SLCO1B1: variants seen among roughly 807,000 people sequenced by gnomAD.
SLCO1B1 encodes the protein OATP-2.
Under a neutral mutation model 70.1 loss-of-function variants are expected in SLCO1B1, and 81 were observed. That is an observed-to-expected ratio of 1.16 (90% CI 0.97 to 1.39). The LOEUF (loss-of-function observed/expected upper bound fraction) is 1.39. SLCO1B1 is among the 40% of genes most tolerant of loss of function. The pLI is 0.00. For missense variants in SLCO1B1, 895 were observed against 799.6 expected, an observed-to-expected ratio of 1.12 and a Z score of -1.44; for synonymous variants, 283 against 271.5, an observed-to-expected ratio of 1.04 and a Z score of -0.42.
intron 7 of SLCO1B1, among the ~76,000 whole-genome samples, chr12:21,194,337 C>G (rs965129349): frequency 2.6e-5 from 4 of 152,108 alleles, no homozygotes; most frequent in African/African-American, 9.7e-5. Flanking sequence ...TCTATAGCCT[C>G]ATAACAGAGG....
chr12:21,174,562 T>C lies in SLCO1B1; in HGVS notation c.227-15T>C. 1 of 1,612,520 alleles carries C rather than the reference T, an allele frequency of 6.2e-7. No individual in the cohort carries two copies. Among genetic ancestry groups the C allele is most frequent in the East Asian group, 2.2e-5 (1 of 44,716 alleles). ...TGAACTAAGCTGTATCAACATAATT[T>C]TGTTCCCTTTCTAGGAAATTTGCTT... On this transcript the variant is annotated splice_polypyrimidine_tract_variant and intron_variant, in intron 3 of 14. Transcript: ENST00000256958.
chr12:21,187,996 G>A (rs1322833175), intron 7 of SLCO1B1, among the ~76,000 whole-genome samples: 1 of 152,166 alleles, frequency 6.6e-6, no homozygotes, highest in Non-Finnish European at 1.5e-5. Flanking sequence ...AGGCAATCTA[G>A]CAGAAGGATT....
rs373762868 is a variant in SLCO1B1 at position 21,163,966 on chromosome 12, G to C, written c.85-8684G>C. ...TGAAAAAAAAAAAATGTAACAGCCA[G>C]AATAACATGATCTAAGGATACTTGG... On this transcript the variant is annotated intron_variant, in intron 2 of 14. Transcript: ENST00000256958. Among the ~76,000 whole-genome samples the C allele has an allele frequency of 2.6e-5, 4 of 151,846 alleles. No homozygotes were observed. The East Asian group carries it at 7.8e-4, about 29-fold the overall frequency.
At chr12:21,137,186 C>T (rs1159554753) in intron 1 of SLCO1B1, among the ~76,000 whole-genome samples, 1 of 152,154 alleles carries the variant, frequency 6.6e-6, no homozygotes, top group African/African-American at 2.4e-5. Context: ...GATCGTTCCT[C>T]TGGAAGTTTT....
In SLCO1B1 at chr12:21,206,014, G is replaced by A. The variant is rs145491008; in HGVS notation, c.1478G>A (p.Ser493Asn). Residue 493 changes from serine (S) to asparagine (N), a missense_variant, in exon 11 of 15, where the codon AGT (serine) becomes AAT (asparagine). Ser to Asn is a conservative substitution (Grantham distance 46). Coordinates refer to ENST00000256958, the MANE Select transcript of SLCO1B1 (RefSeq NM_006446.5). ...TGTCTAGCAGGTTGCAAATCTTCAA[G>A]TGGCAATAAAAAGCCTATAGTGAGT... is the stretch of plus-strand genomic sequence containing the variant. ...SPCLAGCKSS[S>N]GNKKPIVFYN... 1.2e-5 allele frequency: 19 copies of A among 1,611,804 alleles called. No individual in the cohort carries two copies. Among genetic ancestry groups the A allele is most frequent in the Non-Finnish European group, 1.6e-5 (19 of 1,178,474 alleles).
chr12:21,222,629 C>T (rs1941442563), intron 13 of SLCO1B1, among the ~76,000 whole-genome samples: 1 of 151,552 alleles, frequency 6.6e-6, no homozygotes, highest in Non-Finnish European at 1.5e-5. Flanking sequence ...TAAAGTCAAT[C>T]TGTTAAGACT....
chr12:21,133,740 G>A (rs544094103), intron 1 of SLCO1B1, among the ~76,000 whole-genome samples: 3 of 152,260 alleles, frequency 2.0e-5, no homozygotes, highest in South Asian at 2.1e-4. Context: ...GGGCTGAGAT[G>A]ATGGGGTTTT....
chr12:21,188,223 C>G (rs1470374014), intron 7 of SLCO1B1, among the ~76,000 whole-genome samples: 2 of 152,128 alleles, frequency 1.3e-5, no homozygotes, highest in Non-Finnish European at 2.9e-5. Context: ...ACCTCCTCCA[C>G]CTCTTCCACC....
At position 21,174,676 on chromosome 12, in the gene SLCO1B1, T is replaced by A; in HGVS notation, c.326T>A (p.Val109Asp). Residue 109 changes from valine (V) to aspartate (D), a missense_variant, in exon 4 of 15, where the codon GTT (valine) becomes GAT (aspartate). Physicochemically the swap from Val to Asp is radical, Grantham distance 152 (BLOSUM62 -3). Transcript: ENST00000256958. ...IGCFIMGIGG[V>D]LTALPHFFMG... The stretch of plus-strand genomic sequence containing the variant: ...TGTTTCATTATGGGAATTGGAGGTG[T>A]TTTGACTGCTTTGCCACATTTCTTC... The A allele has an allele frequency of 6.2e-7, 1 of 1,613,238 alleles. No homozygotes were observed. The highest frequency in any genetic ancestry group is 8.5e-7 in the Non-Finnish European group (1 of 1,179,750).
In SLCO1B1 at chr12:21,202,568, G is replaced by A. The variant is rs376060151; in HGVS notation, c.1213G>A (p.Val405Ile). The change falls in exon 10 of 15, where the codon GTT (valine) becomes ATT (isoleucine). Residue 405 changes from valine to isoleucine, a missense_variant. Transcript: ENST00000256958. ...YIIKKFKLNT[V>I]GIAKFSCFTA... ...CATTAAAAAATTCAAACTGAACACC[G>A]TTGGAATTGCCAAATTCTCATGTTT... 118 of 1,612,056 alleles carry A rather than the reference G, an allele frequency of 7.3e-5. No individual in the cohort carries two copies. The highest frequency in any genetic ancestry group is 4.4e-4 in the African/African-American group (33 of 74,844).
chr12:21,176,456 C>T lies in SLCO1B1; in HGVS notation c.360-320C>T, dbSNP rs964614. 0.89 allele frequency among the ~76,000 whole-genome samples: 135,729 copies of T among 152,122 alleles called. 60,635 individuals are homozygous for T. Among genetic ancestry groups the T allele is most frequent in the East Asian group, 1 (5,180 of 5,186 alleles). On this transcript the variant is annotated intron_variant, in intron 4 of 14. Transcript: ENST00000256958. ...TAATTCAAAAGGATGAATGGTTACA[C>T]ACAATTAATAATTACTTTTTAAAAA...
chr12:21,206,137 A>G, intron 11 of SLCO1B1, 104 bp downstream of exon 11: 2 of 990,902 alleles, frequency 2.0e-6, no homozygotes, highest in East Asian at 2.5e-5. Context: ...TTAAAAAGAT[A>G]AAAGAGAAAG....
intron 2 of SLCO1B1, among the ~76,000 whole-genome samples, chr12:21,164,134 T>C (rs1484071031): frequency 6.6e-6 from 1 of 152,150 alleles, no homozygotes. Context: ...TAAATTAATA[T>C]GGATGAATTG....
intron 1 of SLCO1B1, among the ~76,000 whole-genome samples, chr12:21,134,383 G>C (rs553822014): frequency 6.6e-6 from 1 of 152,246 alleles, no homozygotes; most frequent in South Asian, 2.1e-4. Context: ...TTTTTCTATT[G>C]ATTGGAATAG....
intron 10 of SLCO1B1, among the ~76,000 whole-genome samples, chr12:21,204,269 C>T (rs1042453906): frequency 4.4e-4 from 67 of 151,652 alleles, no homozygotes; most frequent in Non-Finnish European, 8.1e-4. Flanking sequence ...ACATTATTTG[C>T]CTTTTTATTC....
At chr12:21,207,511 T>TACCACATTTCTTTATCTAATTC (rs1941228091) in intron 11 of SLCO1B1, among the ~76,000 whole-genome samples, 1 of 152,078 alleles carries the variant, frequency 6.6e-6, no homozygotes, top group African/African-American at 2.4e-5. Context: ...TGTCTATATG[T>TACCACATTTCTTTATCTAATTC]ACCACATTTC....
chr12:21,143,716 T>A (rs1356369365), intron 2 of SLCO1B1, among the ~76,000 whole-genome samples: 2 of 152,190 alleles, frequency 1.3e-5, no homozygotes, highest in Non-Finnish European at 2.9e-5. Context: ...TCCATATTGC[T>A]AAAATAAATG....
chr12:21,224,406 T>C (rs750635836), intron 13 of SLCO1B1, among the ~76,000 whole-genome samples: 6 of 152,140 alleles, frequency 3.9e-5, no homozygotes, highest in Non-Finnish European at 7.4e-5. Flanking sequence ...CCAACATAAC[T>C]TCCAAGTTTT....
intron 2 of SLCO1B1, among the ~76,000 whole-genome samples, chr12:21,157,687 T>C (rs912509662): frequency 1.5e-4 from 22 of 151,320 alleles, no homozygotes; most frequent in South Asian, 8.3e-4. Flanking sequence ...CTGCAAGCTC[T>C]GCCTCCCAGG....
Sources: gnomAD v4.1 joint callset for allele counts (sites outside exome capture counted in the v4.1 genomes callset) on GRCh38, gnomAD v4.1.1 for gene constraint, MANE v1.5 for transcripts, NCBI Gene and HGNC (gene_info 2026-07-23, HGNC 2026-07-21) for gene names.